Variants in SMARCAL1 observed in about 807,000 individuals in gnomAD.
SMARCAL1 encodes SNF2 related chromatin remodeling annealing helicase 1.
A neutral mutation model predicts 94.5 loss-of-function variants in SMARCAL1; 58 were observed. That is an observed-to-expected ratio of 0.61 (90% confidence interval 0.50 to 0.76). The LOEUF (loss-of-function observed/expected upper bound fraction) is 0.76, where lower values mean the gene tolerates loss of function less well. Ranked by LOEUF, SMARCAL1 falls within the 30% of genes least tolerant of loss-of-function variation. The pLI is 0.00. For missense variants in SMARCAL1, 1,051 were observed against 1,177.9 expected, an observed-to-expected ratio of 0.89 and a Z score of 1.58; for synonymous variants, 422 against 455.1, an observed-to-expected ratio of 0.93 and a Z score of 0.93.
chr2:216,420,087 C>T (rs1401757309), intron 4 of SMARCAL1, among the ~76,000 whole-genome samples: 6 of 142,530 alleles, frequency 4.2e-5, no homozygotes, highest in Non-Finnish European at 7.7e-5. Flanking sequence ...TGGAAAGTTA[C>T]ATTCAGCAAA....
chr2:216,433,223 T>G (rs1694004793), intron 8 of SMARCAL1, among the ~76,000 whole-genome samples: 1 of 152,082 alleles, frequency 6.6e-6, no homozygotes, highest in Admixed American at 6.5e-5. Context: ...TTTTATTTAT[T>G]TTGAAACTGG....
chr2:216,464,737 T>C (rs1574477260), intron 13 of SMARCAL1, 70 bp downstream of exon 13: 1 of 1,062,828 alleles, frequency 9.4e-7, no homozygotes, highest in Non-Finnish European at 1.5e-6. Flanking sequence ...CTTATTACTT[T>C]ATTCTGCCTG....
intron 6 of SMARCAL1, 84 bp from the exon 7 acceptor site, chr2:216,428,512 A>AAT (rs1232137492): frequency 1.3e-5 from 18 of 1,345,424 alleles, no homozygotes; most frequent in Non-Finnish European, 1.9e-5. Flanking sequence ...ACTGGAAGGA[A>AAT]ATATATATAT....
chr2:216,482,624 C>A lies in SMARCAL1; in HGVS notation c.2626-114C>A. On this transcript the variant is annotated intron_variant, in intron 17 of 17. Coordinates refer to ENST00000357276, the MANE Select transcript of SMARCAL1 (RefSeq NM_014140.4). The surrounding 1 kb of genome is among the most constrained non-coding windows in gnomAD (Gnocchi z 4.3). The stretch of plus-strand genomic sequence containing the variant: ...CTTGCCATCGTGTAGCTCCCTGACA[C>A]CATGAAATGTGTGGTCTCTCATCTT... 6.9e-7 allele frequency: 1 copy of A among 1,453,900 alleles called. No homozygotes were observed. Among genetic ancestry groups the A allele is most frequent in the Non-Finnish European group, 9.6e-7 (1 of 1,037,862 alleles). The allele number at this position is 1,453,900 out of a possible 1,614,324, so 90.1% of individuals were successfully genotyped here.
chr2:216,442,137 C>T (rs6750220), intron 10 of SMARCAL1, among the ~76,000 whole-genome samples: 2,327 of 152,128 alleles, frequency 0.015, 57 homozygotes, highest in African/African-American at 0.053. Flanking sequence ...CAAATGGGGC[C>T]GGGCGCAGTG....
chr2:216,473,987 G>A (rs779824916), intron 14 of SMARCAL1, among the ~76,000 whole-genome samples: 2 of 152,064 alleles, frequency 1.3e-5, no homozygotes, highest in Non-Finnish European at 2.9e-5. Context: ...TATCCATACT[G>A]TGGGCTATTT....
chr2:216,472,946 G>A (rs771192106), intron 14 of SMARCAL1, among the ~76,000 whole-genome samples: 9 of 152,020 alleles, frequency 5.9e-5, no homozygotes, highest in Admixed American at 2.0e-4. Flanking sequence ...TTTTGCTATC[G>A]TACTTTGGTT....
chr2:216,417,663 A>G (rs1693630014), intron 4 of SMARCAL1, among the ~76,000 whole-genome samples: 5 of 152,012 alleles, frequency 3.3e-5, no homozygotes, highest in Admixed American at 3.3e-4. Context: ...ACACAATTCA[A>G]CCCATAACGC....
chr2:216,466,341 G>A (rs1345288457), intron 13 of SMARCAL1, among the ~76,000 whole-genome samples: 1 of 152,088 alleles, frequency 6.6e-6, no homozygotes, highest in Non-Finnish European at 1.5e-5. Context: ...TTTTACACCT[G>A]TGAACTCATT....
intron 12 of SMARCAL1, among the ~76,000 whole-genome samples, chr2:216,455,727 A>G (rs1458755761): frequency 1.3e-5 from 2 of 152,264 alleles, no homozygotes; most frequent in Non-Finnish European, 2.9e-5. Flanking sequence ...GAGCAAAGGT[A>G]GATAAAACCA....
At chr2:216,422,745 G>A (rs981962115) in intron 5 of SMARCAL1, among the ~76,000 whole-genome samples, 1 of 152,196 alleles carries the variant, frequency 6.6e-6, no homozygotes, top group Non-Finnish European at 1.5e-5. Flanking sequence ...ATCATACAGT[G>A]AAGAATGAAC....
intron 9 of SMARCAL1, among the ~76,000 whole-genome samples, chr2:216,436,301 C>T (rs1281966236): frequency 6.6e-6 from 1 of 152,196 alleles, no homozygotes; most frequent in Non-Finnish European, 1.5e-5. Context: ...TCTGACTGGA[C>T]CTGCTTCCAG....
chr2:216,467,986 T>C lies in SMARCAL1; in HGVS notation c.2184T>C (p.Phe728=). The part of the protein sequence containing the change: ...LDLLESGREK[F]LVFAHHKVVL... ...TACTGGAAAGTGGAAGAGAGAAGTT[T>C]TTAGTATTTGCACACCATAAGGTGG... Residue 728 remains phenylalanine (F), a synonymous_variant, in exon 14 of 18, where the codon TTT becomes TTC. Coordinates refer to ENST00000357276, the MANE Select transcript of SMARCAL1 (RefSeq NM_014140.4). 1.2e-6 allele frequency: 2 copies of C among 1,613,930 alleles called. No homozygotes were observed. Among genetic ancestry groups the C allele is most frequent in the Non-Finnish European group, 1.7e-6 (2 of 1,179,796 alleles).
rs1693560921 is a variant in SMARCAL1 at position 216,415,182 on chromosome 2, G to T, written c.478G>T (p.Ala160Ser). 1 of 1,613,714 alleles carries T rather than the reference G, an allele frequency of 6.2e-7. No individual in the cohort carries two copies. Among genetic ancestry groups the T allele is most frequent in the Non-Finnish European group, 8.5e-7 (1 of 1,179,796 alleles). The part of the protein sequence containing the change: ...ASPEIRFTPF[A>S]NPTHKPLAKP... Reference sequence around the variant, plus strand: ...ACCTGAGATCAGGTTCACACCCTTTGCTAACCCAACTCATAAGCCTCTGGC... The same window carrying T: ...ACCTGAGATCAGGTTCACACCCTTTTCTAACCCAACTCATAAGCCTCTGGC... The change falls in exon 3 of 18, where the codon GCT becomes TCT. Residue 160 changes from alanine (A) to serine (S), a missense_variant. Ala to Ser is a moderately conservative substitution (Grantham distance 99). This residue lies in a region of SMARCAL1 where 398 missense variants were observed against 395.2 expected (regional missense o/e 1.01). Coordinates refer to ENST00000357276, the MANE Select transcript of SMARCAL1 (RefSeq NM_014140.4).
rs58617956 is a variant in SMARCAL1 at position 216,414,393 on chromosome 2, G to A, written c.-58-254G>A. ...GCTGGTCTCAAACTCCTGACCTCAAGTGATCCACCTGCCTCAGCTTCCCAA... is the reference window on the plus strand; with the variant it reads ...GCTGGTCTCAAACTCCTGACCTCAAATGATCCACCTGCCTCAGCTTCCCAA... On this transcript the variant is annotated intron_variant, in intron 2 of 17. Transcript: ENST00000357276. The A allele has an allele frequency of 0.03, 10,533 of 352,382 alleles. 400 individuals carry two copies. The highest frequency in any genetic ancestry group is 0.15 in the East Asian group (2,031 of 13,112). The allele number at this position is 352,382 out of a possible 1,614,324, so 21.8% of individuals were successfully genotyped here. A position where few individuals can be genotyped will look rare whatever the true frequency, so the allele number is the denominator to read the frequency against.
chr2:216,423,091 G>A (rs943682598), intron 5 of SMARCAL1, among the ~76,000 whole-genome samples: 15 of 152,218 alleles, frequency 9.9e-5, no homozygotes, highest in African/African-American at 3.6e-4. Flanking sequence ...AACTGAGGGA[G>A]AGGTGTTACA....
At chr2:216,479,604 A>G (rs1695156437) in intron 17 of SMARCAL1, among the ~76,000 whole-genome samples, 1 of 152,060 alleles carries the variant, frequency 6.6e-6, no homozygotes. Context: ...GATAAATAAG[A>G]CTCAGATCAT....
intron 9 of SMARCAL1, among the ~76,000 whole-genome samples, chr2:216,437,415 G>A (rs540533726): frequency 6.6e-6 from 1 of 152,234 alleles, no homozygotes; most frequent in South Asian, 2.1e-4. Flanking sequence ...ATGGAATAGG[G>A]GATTTCTTAT....
In SMARCAL1 at chr2:216,483,041, T is replaced by G; in HGVS notation, c.*64T>G. On this transcript the variant is annotated 3_prime_UTR_variant, in exon 18 of 18. Transcript: ENST00000357276. The stretch of plus-strand genomic sequence containing the variant: ...CATGGAATTGAAATAAAATAATGTA[T>G]TTTGTTTTAAAACTTTTTGAGCTTC... 2 of 1,594,522 alleles carry G rather than the reference T, an allele frequency of 1.3e-6. No homozygotes were observed. The highest frequency in any genetic ancestry group is 1.7e-6 in the Non-Finnish European group (2 of 1,170,862).
Sources: allele counts gnomAD v4.1 joint callset (sites outside exome capture counted in the v4.1 genomes callset), GRCh38; gene constraint gnomAD v4.1.1; regional missense constraint gnomAD v4.1.1; non-coding constraint Gnocchi (gnomAD v3.1); transcripts MANE v1.5; gene names NCBI Gene and HGNC (gene_info 2026-07-23, HGNC 2026-07-21).